The following SPNS3 variants were observed in gnomAD, a reference collection of about 807,000 sequenced individuals.
SPNS3 encodes the protein protein spinster homolog 3.
Under a neutral mutation model 54.4 loss-of-function variants are expected in SPNS3, and 51 were observed. The observed-to-expected ratio is 0.94, with a 90% CI of 0.75 to 1.18. SPNS3 has a LOEUF of 1.18. SPNS3 is among the 50% of genes most tolerant of loss of function. The probability of loss-of-function intolerance (pLI) is 0.00; values close to 1 mark genes in which losing one functional copy is unlikely to be tolerated. For missense variants in SPNS3, 669 were observed against 677.4 expected (o/e 0.99, Z 0.14); for synonymous variants, 309 against 294.7 (o/e 1.05, Z -0.50).
chr17:4,445,193 G>A (rs760038195), intron 3 of SPNS3, 25 bp downstream of exon 3: 2 of 1,583,018 alleles, frequency 1.3e-6, no homozygotes, highest in Non-Finnish European at 8.6e-7. Flanking sequence ...CCCTGTCCAG[G>A]CCCCTGAGGC....
chr17:4,456,835 C>T (rs1263503543), intron 8 of SPNS3, among the ~76,000 whole-genome samples: 2 of 152,162 alleles, frequency 1.3e-5, no homozygotes, highest in Non-Finnish European at 2.9e-5. Flanking sequence ...CTGTCTCAGC[C>T]TCCTGAGTAG....
intron 8 of SPNS3, among the ~76,000 whole-genome samples, chr17:4,474,653 G>A (rs1203027615): frequency 1.3e-5 from 2 of 152,176 alleles, no homozygotes; most frequent in East Asian, 1.9e-4. Flanking sequence ...GTGCGTGTAC[G>A]CACATCCACT....
chr17:4,487,868 GCTGGCGCCTCTA>G lies in SPNS3; in HGVS notation c.1515_1526del (p.Gly506_Thr509del), dbSNP rs1473483785. The G allele has an allele frequency of 1.9e-6, 3 of 1,613,938 alleles. No individual in the cohort carries two copies. Among genetic ancestry groups the G allele is most frequent in the Non-Finnish European group, 2.5e-6 (3 of 1,179,902 alleles). ...GGAGAGACAAGGCCTACTTTCGGGC[GCTGGCGCCTCTA>G]CAGAGGAGCCCTGAGGTCCCTGCCT... On this transcript the variant is annotated inframe_deletion, in exon 12 of 12. Transcript: ENST00000355530.
intron 1 of SPNS3, among the ~76,000 whole-genome samples, chr17:4,434,916 T>A (rs1230616089): frequency 6.9e-6 from 1 of 145,526 alleles, no homozygotes; most frequent in African/African-American, 2.5e-5. Context: ...GCGATTCCTA[T>A]CTCAGCCTCC....
intron 8 of SPNS3, among the ~76,000 whole-genome samples, chr17:4,458,890 A>G (rs1971419867): frequency 6.6e-6 from 1 of 151,712 alleles, no homozygotes; most frequent in Non-Finnish European, 1.5e-5. Flanking sequence ...GTGCCTGTGG[A>G]ACTAGGCCCA....
chr17:4,445,128 G>C lies in SPNS3; in HGVS notation c.362G>C (p.Trp121Ser). The C allele has an allele frequency of 6.2e-7, 1 of 1,614,142 alleles. No homozygotes were observed. Among genetic ancestry groups the C allele is most frequent in the South Asian group, 1.1e-5 (1 of 91,082 alleles). The change falls in exon 3 of 12, where the codon TGG (tryptophan) becomes TCG (serine). Residue 121 changes from tryptophan (W) to serine (S), a missense_variant. Coordinates refer to ENST00000355530, the MANE Select transcript of SPNS3 (RefSeq NM_182538.5). Reference protein sequence around the residue: ...KATMSFGILLWSGAGLSSSFI... With the variant: ...KATMSFGILLSSGAGLSSSFI... ...ACCATGAGCTTCGGTATCTTGCTGT[G>C]GTCAGGAGCTGGCCTCTCTAGCTCC...
intron 8 of SPNS3, among the ~76,000 whole-genome samples, chr17:4,467,045 G>A (rs1971695099): frequency 6.6e-6 from 1 of 152,038 alleles, no homozygotes; most frequent in African/African-American, 2.4e-5. Context: ...AGTCCATGCG[G>A]AGGGCAGCCT....
At chr17:4,478,855 A>G (rs1972082945) in intron 9 of SPNS3, among the ~76,000 whole-genome samples, 1 of 152,214 alleles carries the variant, frequency 6.6e-6, no homozygotes, top group African/African-American at 2.4e-5. Context: ...GGTTCAGAGA[A>G]GGCAGGTGCC....
At chr17:4,434,589 C>T (rs536436111) in intron 1 of SPNS3, among the ~76,000 whole-genome samples, 12 of 152,054 alleles carry the variant, frequency 7.9e-5, no homozygotes, top group African/African-American at 2.9e-4. Flanking sequence ...CTCTGTCTCC[C>T]AGGTTCAAGT....
In SPNS3 at chr17:4,446,043, C is replaced by T. The variant is rs1357263786; in HGVS notation, c.403-5C>T. On this transcript the variant is annotated splice_polypyrimidine_tract_variant and splice_region_variant and intron_variant, in intron 3 of 11. Transcript: ENST00000355530. ...CTCACCGTGGTCTTGTGCCTGCTCG[C>T]CCAGTATTCTTGGCTCTTCTTCCTG... 3.1e-6 allele frequency: 5 copies of T among 1,601,126 alleles called. No homozygotes were observed. Among genetic ancestry groups the T allele is most frequent in the Middle Eastern group, 1.7e-4 (1 of 5,766 alleles).
intron 2 of SPNS3, among the ~76,000 whole-genome samples, chr17:4,444,657 G>A (rs1183675132): frequency 1.3e-5 from 2 of 151,822 alleles, no homozygotes; most frequent in Non-Finnish European, 2.9e-5. Context: ...CCAGGCTCAC[G>A]GGGGTCATGT....
chr17:4,479,098 A>C (rs1336365702), intron 9 of SPNS3, among the ~76,000 whole-genome samples: 2 of 151,978 alleles, frequency 1.3e-5, no homozygotes, highest in African/African-American at 4.8e-5. Context: ...ACCCGCCACC[A>C]TGCCCGGCTA....
At chr17:4,468,753 C>CTTTCTTTCTTA (rs752138475) in intron 8 of SPNS3, among the ~76,000 whole-genome samples, 4 of 141,018 alleles carry the variant, frequency 2.8e-5, no homozygotes, top group Non-Finnish European at 6.0e-5. Context: ...TTCTTTCTTT[C>CTTTCTTTCTTA]TTTCTTTCTC....
At chr17:4,466,799 C>G (rs1484807605) in intron 8 of SPNS3, among the ~76,000 whole-genome samples, 1 of 152,142 alleles carries the variant, frequency 6.6e-6, no homozygotes, top group Non-Finnish European at 1.5e-5. Flanking sequence ...GAGCCGAGAT[C>G]GCACCATTGC....
rs527444026 is a variant in SPNS3 at position 4,487,000 on chromosome 17, T to C, written c.1450+417T>C. ...CAGCCTGGGCAACATGGTGAAGCCCTGTCTCTACTAAAAATATAAAAATTA... is the reference window on the plus strand; with the variant it reads ...CAGCCTGGGCAACATGGTGAAGCCCCGTCTCTACTAAAAATATAAAAATTA... On this transcript the variant is annotated intron_variant, in intron 11 of 11. Coordinates refer to ENST00000355530, the MANE Select transcript of SPNS3 (RefSeq NM_182538.5). This position sits in a 1 kb window ranked among gnomAD's most constrained non-coding sequence, Gnocchi z 5.5. 1.0e-3 allele frequency among the ~76,000 whole-genome samples: 155 copies of C among 151,880 alleles called. No individual in the cohort carries two copies. Among genetic ancestry groups the C allele is most frequent in the Admixed American group, 1.8e-3 (27 of 15,258 alleles).
chr17:4,455,999 G>A (rs1971303936), intron 8 of SPNS3, among the ~76,000 whole-genome samples: 1 of 151,938 alleles, frequency 6.6e-6, no homozygotes. Context: ...AACTTTTTTA[G>A]AGATGGGGGC....
At chr17:4,464,174 C>A (rs1174415462) in intron 8 of SPNS3, among the ~76,000 whole-genome samples, 1 of 152,190 alleles carries the variant, frequency 6.6e-6, no homozygotes, top group East Asian at 1.9e-4. Flanking sequence ...TGCCCTGTGG[C>A]CACGTACAGA....
At chr17:4,472,420 A>G (rs1971878635) in intron 8 of SPNS3, among the ~76,000 whole-genome samples, 1 of 152,134 alleles carries the variant, frequency 6.6e-6, no homozygotes, top group Non-Finnish European at 1.5e-5. Context: ...TGCCGGAGGG[A>G]AATGCAGGGC....
chr17:4,454,855 C>T (rs1204790674), intron 8 of SPNS3, among the ~76,000 whole-genome samples: 1 of 151,664 alleles, frequency 6.6e-6, no homozygotes, highest in Non-Finnish European at 1.5e-5. Context: ...GAACTCCTGA[C>T]CTCGTGATCC....
Sources: allele counts gnomAD v4.1 joint callset (sites outside exome capture counted in the v4.1 genomes callset), GRCh38; gene constraint gnomAD v4.1.1; non-coding constraint Gnocchi (gnomAD v3.1); transcripts MANE v1.5; gene names NCBI Gene and HGNC (gene_info 2026-07-23, HGNC 2026-07-21).